The following GRID2 variants were observed in gnomAD, a reference collection of about 807,000 sequenced individuals.
GRID2 encodes glutamate receptor ionotropic, delta-2.
A neutral mutation model predicts 114.8 loss-of-function variants in GRID2; 33 were observed. The observed-to-expected ratio is 0.29, with a 90% CI of 0.22 to 0.38. The LOEUF is 0.38. Ranked by LOEUF, GRID2 falls within the 10% of genes least tolerant of loss-of-function variation. The probability of loss-of-function intolerance (pLI) is 1.00; values close to 1 mark genes in which losing one functional copy is unlikely to be tolerated. For missense variants in GRID2, 1,184 were observed against 1,257.7 expected, an observed-to-expected ratio of 0.94 and a Z score of 0.89; for synonymous variants, 505 against 449.9, an observed-to-expected ratio of 1.12 and a Z score of -1.55.
chr4:92,982,598 T>A (rs1241639290), intron 2 of GRID2, among the ~76,000 whole-genome samples: 1 of 152,056 alleles, frequency 6.6e-6, no homozygotes, highest in Non-Finnish European at 1.5e-5. Context: ...GTTCATTTTC[T>A]CATCATCTTT....
intron 2 of GRID2, among the ~76,000 whole-genome samples, chr4:93,020,050 A>G (rs1448580394): frequency 3.9e-5 from 6 of 152,190 alleles, no homozygotes; most frequent in Non-Finnish European, 5.9e-5. Flanking sequence ...TTAGTGCCAC[A>G]GTTCACAATT....
At chr4:92,759,824 A>G (rs1178009939) in intron 2 of GRID2, among the ~76,000 whole-genome samples, 1 of 146,238 alleles carries the variant, frequency 6.8e-6, no homozygotes, top group Non-Finnish European at 1.5e-5. Context: ...ACGGGGTTTC[A>G]CCATGTTAGT....
chr4:93,549,802 G>T (rs1430285061), intron 13 of GRID2, among the ~76,000 whole-genome samples: 1 of 152,152 alleles, frequency 6.6e-6, no homozygotes, highest in Non-Finnish European at 1.5e-5. Context: ...CTACAGCAGA[G>T]TTGAGTAAAA....
chr4:93,026,739 A>G (rs1052896049), intron 2 of GRID2, among the ~76,000 whole-genome samples: 9 of 151,938 alleles, frequency 5.9e-5, no homozygotes, highest in Admixed American at 4.6e-4. Context: ...TGAGTTTTTA[A>G]TGCTGGGTGG....
intron 2 of GRID2, among the ~76,000 whole-genome samples, chr4:93,011,203 G>C (rs779894055): frequency 1.3e-5 from 2 of 151,060 alleles, no homozygotes; most frequent in Non-Finnish European, 2.9e-5. Flanking sequence ...ATTTTCATCA[G>C]TTGAAAATTT....
intron 13 of GRID2, among the ~76,000 whole-genome samples, chr4:93,593,947 T>C (rs1196487537): frequency 2.7e-4 from 41 of 151,864 alleles, no homozygotes; most frequent in Middle Eastern, 3.4e-3. Flanking sequence ...ATTCTAGTTA[T>C]ACATTCTTCT....
chr4:93,056,330 G>A (rs1727241255), intron 2 of GRID2, among the ~76,000 whole-genome samples: 1 of 151,882 alleles, frequency 6.6e-6, no homozygotes, highest in Admixed American at 6.6e-5. Flanking sequence ...TCTGGAGGAA[G>A]AACCACACTG....
At chr4:93,070,294 C>T (rs1578900215) in intron 2 of GRID2, among the ~76,000 whole-genome samples, 1 of 151,972 alleles carries the variant, frequency 6.6e-6, no homozygotes, top group African/African-American at 2.4e-5. Flanking sequence ...TGTTTCTGAC[C>T]TCATGCACTG....
rs538365723 is a variant in GRID2, at chr4:93,800,795, A to G, written c.222-5920A>G. Among the ~76,000 whole-genome samples, 86 of 152,134 alleles carry G rather than the reference A, an allele frequency of 5.7e-4. 1 individual carries two copies. The highest frequency in any genetic ancestry group is 3.4e-3 in the Middle Eastern group (1 of 294). ...AAATATGTATTTAGCCAATATTTGA[A>G]TAATTGAATCAATTTTCTTTCTTTT... On this transcript the variant is annotated intron_variant, in intron 1 of 1. Transcript: ENST00000637838.
intron 2 of GRID2, among the ~76,000 whole-genome samples, chr4:92,679,659 G>A (rs1488133670): frequency 6.6e-6 from 1 of 151,758 alleles, no homozygotes; most frequent in Non-Finnish European, 1.5e-5. Context: ...TTATAAACTA[G>A]CACTTGTTTT....
chr4:93,249,388 G>T (rs1484943860), intron 8 of GRID2, among the ~76,000 whole-genome samples: 3 of 152,074 alleles, frequency 2.0e-5, no homozygotes, highest in Admixed American at 2.0e-4. Context: ...AATTAAAGTA[G>T]TTTTTGTTCT....
intron 13 of GRID2, among the ~76,000 whole-genome samples, chr4:93,555,652 T>C (rs915289263): frequency 5.3e-5 from 8 of 152,146 alleles, no homozygotes; most frequent in African/African-American, 1.9e-4. Context: ...ACAGAGCACC[T>C]GGGGGAAGGG....
intron 12 of GRID2, among the ~76,000 whole-genome samples, chr4:93,514,804 T>A (rs1181794756): frequency 6.6e-6 from 1 of 152,200 alleles, no homozygotes; most frequent in African/African-American, 2.4e-5. Flanking sequence ...TTTATACAAA[T>A]AAGCCTTGCT....
chr4:93,438,788 T>C (rs1053427267), intron 10 of GRID2, among the ~76,000 whole-genome samples: 1 of 152,008 alleles, frequency 6.6e-6, no homozygotes, highest in African/African-American at 2.4e-5. Flanking sequence ...CCCATTAACT[T>C]GTCATTTAGC....
chr4:92,986,651 G>A (rs886548456), intron 2 of GRID2, among the ~76,000 whole-genome samples: 1 of 151,874 alleles, frequency 6.6e-6, no homozygotes, highest in African/African-American at 2.4e-5. Context: ...CTGCCTAGGG[G>A]GTATATATGA....
chr4:92,956,292 A>G (rs758798605), intron 2 of GRID2, among the ~76,000 whole-genome samples: 7 of 152,278 alleles, frequency 4.6e-5, no homozygotes, highest in South Asian at 2.1e-4. Context: ...TATTGAGTCT[A>G]TGGGCTTGGA....
intron 4 of GRID2, among the ~76,000 whole-genome samples, chr4:93,191,226 G>A (rs1560968683): frequency 6.6e-6 from 1 of 151,972 alleles, no homozygotes; most frequent in Non-Finnish European, 1.5e-5. Flanking sequence ...TAATGTACTG[G>A]TAGTATGTAT....
chr4:93,364,440 C>T (rs914316839), intron 8 of GRID2, among the ~76,000 whole-genome samples: 2 of 151,940 alleles, frequency 1.3e-5, no homozygotes, highest in East Asian at 1.9e-4. Context: ...TTTTCATTGA[C>T]CTATTATTTT....
At chr4:92,545,654 T>C (rs558578199) in intron 1 of GRID2, among the ~76,000 whole-genome samples, 2 of 152,350 alleles carry the variant, frequency 1.3e-5, no homozygotes, top group Admixed American at 1.3e-4. Context: ...TTTCTGTCTC[T>C]GTATGTTTGA....
Sources: gnomAD v4.1 joint callset for allele counts (sites outside exome capture counted in the v4.1 genomes callset) on GRCh38, gnomAD v4.1.1 for gene constraint, MANE v1.5 for transcripts, NCBI Gene and HGNC (gene_info 2026-07-23, HGNC 2026-07-21) for gene names.